The following SRRM2 variants were observed in gnomAD, a reference collection of about 807,000 sequenced individuals.
The protein encoded by SRRM2 is serine/arginine repetitive matrix protein 2.
In SRRM2, 30 loss-of-function variants were observed where a neutral mutation model predicts 213.8. The observed-to-expected ratio is 0.14, with a 90% CI of 0.10 to 0.19. The LOEUF (loss-of-function observed/expected upper bound fraction) is 0.19. Ranked by LOEUF, SRRM2 falls within the 10% of genes least tolerant of loss-of-function variation. The pLI, the probability that SRRM2 is intolerant of heterozygous loss-of-function variation, is 1.00. For missense variants in SRRM2, 4,904 were observed against 3,647.0 expected, an observed-to-expected ratio of 1.34 and a Z score of -8.88; for synonymous variants, 2,025 against 1,377.7, an observed-to-expected ratio of 1.47 and a Z score of -10.40.
rs778552936 is a variant in SRRM2, at chr16:2,765,802, G to A, written c.5274G>A (p.Arg1758=). The change falls in exon 11 of 15, where the codon AGG becomes AGA. Residue 1758 remains arginine, a synonymous_variant. Transcript: ENST00000301740. ...ASSPRTKTTS[R]RGRSPSPKPR... is the part of the protein sequence containing the mutation. ...CTCCACGCACTAAGACAACCTCAAG[G>A]AGAGGCCGCTCTCCTTCGCCAAAGC... is the stretch of plus-strand genomic sequence containing the variant. 1.2e-5 allele frequency: 20 copies of A among 1,613,912 alleles called. No homozygotes were observed. Among genetic ancestry groups the A allele is most frequent in the Non-Finnish European group, 1.7e-5 (20 of 1,180,032 alleles).
intron 1 of SRRM2, among the ~76,000 whole-genome samples, chr16:2,753,271 CG>C (rs2068006611): frequency 6.6e-6 from 1 of 152,232 alleles, no homozygotes; most frequent in African/African-American, 2.4e-5. Flanking sequence ...CTCCTTTCCT[CG>C]GGCTTCTCTT....
Position 2,768,169 on chromosome 16 carries a change from A to ATCG in SRRM2, c.7653_7655dup (p.Ser2556dup), listed in dbSNP as rs756483383. 49 of 1,610,454 alleles carry ATCG rather than the reference A, an allele frequency of 3.0e-5. 1 individual carries two copies. The highest frequency in any genetic ancestry group is 1.5e-4 in the African/African-American group (11 of 74,746). On this transcript the variant is annotated inframe_insertion, in exon 11 of 15. Coordinates refer to ENST00000301740, the MANE Select transcript of SRRM2 (RefSeq NM_016333.4). Reference sequence around the variant, plus strand: ...CCTCTAGCTCCTCCTCTTCTTCATCATCGTCGTCGTCGTCCTCCTCCTCCT... The same window carrying ATCG: ...CCTCTAGCTCCTCCTCTTCTTCATCATCGTCGTCGTCGTCGTCCTCCTCCTCCT...
At chr16:2,768,756 G>A in intron 11 of SRRM2, 1 of 771,626 alleles carries the variant, frequency 1.3e-6, no homozygotes, top group Non-Finnish European at 2.2e-6. Context: ...CTCCATCAGG[G>A]ACATTCTTGA....
At chr16:2,755,986 C>T (rs547601058) in intron 1 of SRRM2, among the ~76,000 whole-genome samples, 3 of 151,900 alleles carry the variant, frequency 2.0e-5, no homozygotes, top group Non-Finnish European at 4.4e-5. Context: ...CAAAGGAGAA[C>T]AAAAAGGGAC....
Position 2,764,221 on chromosome 16 carries a change from G to A in SRRM2, c.3693G>A (p.Thr1231=), listed in dbSNP as rs1413270610. 8.7e-6 allele frequency: 14 copies of A among 1,614,060 alleles called. No individual in the cohort carries two copies. The highest frequency in any genetic ancestry group is 6.7e-5 in the Admixed American group (4 of 59,996). The change falls in exon 11 of 15, where the codon ACG becomes ACA. Residue 1231 remains threonine (T), a synonymous_variant. Coordinates refer to ENST00000301740, the MANE Select transcript of SRRM2 (RefSeq NM_016333.4). ...AAGAGCAAAATAGTGCATTGCCTAC[G>A]TCAAGCCAAGATGAAGAGTTAATGG... is the stretch of plus-strand genomic sequence containing the variant. ...ETKEQNSALP[T]SSQDEELMEV...
rs1466211627 is a variant in SRRM2 at position 2,765,568 on chromosome 16, C to G, written c.5040C>G (p.Thr1680=). The G allele has an allele frequency of 2.5e-6, 4 of 1,614,182 alleles. No homozygotes were observed. Among genetic ancestry groups the G allele is most frequent in the Non-Finnish European group, 2.5e-6 (3 of 1,180,028 alleles). ...CCAGGTCATCACCAGAGCCCAAGAC[C>G]AAGTCTCGTACACCACCTCGACGTC... ...RGSRSSPEPK[T]KSRTPPRRRS... Residue 1680 remains threonine, a synonymous_variant, in exon 11 of 15, where the codon ACC becomes ACG. Transcript: ENST00000301740.
At chr16:2,758,794 G>A (rs2068237874) in intron 5 of SRRM2, 191 bp from the exon 6 acceptor site, 2 of 713,650 alleles carry the variant, frequency 2.8e-6, no homozygotes, top group East Asian at 5.4e-5. Flanking sequence ...TTTTCATTTT[G>A]AGGTTTGTTG....
Position 2,763,876 on chromosome 16 carries a change from A to T in SRRM2, c.3348A>T (p.Gln1116His). The change falls in exon 11 of 15, where the codon CAA becomes CAT. Residue 1116 changes from glutamine (Q) to histidine (H), a missense_variant. Gln to His is a conservative substitution (Grantham distance 24). Transcript: ENST00000301740. ...TELASRSPIR[Q>H]DRGEFSASPM... ...TGGCATCCAGATCTCCAATAAGACA[A>T]GATAGAGGTGAGTTCTCAGCGAGTC... 16 of 1,614,192 alleles carry T rather than the reference A, an allele frequency of 9.9e-6. No homozygotes were observed. Among genetic ancestry groups the T allele is most frequent in the Non-Finnish European group, 1.4e-5 (16 of 1,180,038 alleles).
chr16:2,762,532 C>A lies in SRRM2; in HGVS notation c.2004C>A (p.Arg668=). The A allele has an allele frequency of 6.2e-7, 1 of 1,613,830 alleles. No homozygotes were observed. Among genetic ancestry groups the A allele is most frequent in the Non-Finnish European group, 8.5e-7 (1 of 1,179,948 alleles). Residue 668 remains arginine, a synonymous_variant, in exon 11 of 15, where the codon CGC becomes CGA. Coordinates refer to ENST00000301740, the MANE Select transcript of SRRM2 (RefSeq NM_016333.4). Reference sequence around the variant, plus strand: ...CCAGAACCCCAGCCAGACGTGGCCGCTCACGCTCTAGAACCCCAGCTAGAC... The same window carrying A: ...CCAGAACCCCAGCCAGACGTGGCCGATCACGCTCTAGAACCCCAGCTAGAC... ...SRSRTPARRG[R]SRSRTPARRS... is the part of the protein sequence containing the mutation.
chr16:2,762,073 G>T lies in SRRM2; in HGVS notation c.1545G>T (p.Arg515Ser), dbSNP rs764944184. Residue 515 changes from arginine to serine, a missense_variant, in exon 11 of 15, where the codon AGG becomes AGT. Physicochemically the swap from Arg to Ser is moderately radical, Grantham distance 110. Transcript: ENST00000301740. ...HSRSRSPQWR[R>S]SRSAQRWGRS... ...GATCCCGATCTCCCCAGTGGCGTAG[G>T]TCCAGGTCTGCACAGAGGTGGGGAA... 6.2e-7 allele frequency: 1 copy of T among 1,614,226 alleles called. No individual in the cohort carries two copies. Among genetic ancestry groups the T allele is most frequent in the South Asian group, 1.1e-5 (1 of 91,090 alleles).
chr16:2,764,422 C>T lies in SRRM2; in HGVS notation c.3894C>T (p.Val1298=), dbSNP rs771560994. The T allele has an allele frequency of 2.8e-5, 45 of 1,612,946 alleles. No individual in the cohort carries two copies. Among genetic ancestry groups the T allele is most frequent in the Non-Finnish European group, 3.8e-5 (45 of 1,179,776 alleles). The change falls in exon 11 of 15, where the codon GTC becomes GTT. Residue 1298 remains valine, a synonymous_variant. Transcript: ENST00000301740. The part of the protein sequence containing the change: ...QSQASLEAVE[V]PSMASSWGGP... Reference sequence around the variant, plus strand: ...AGGCTTCTTTGGAAGCAGTAGAAGTCCCTTCAATGGCCTCATCTTGGGGTG... The same window carrying T: ...AGGCTTCTTTGGAAGCAGTAGAAGTTCCTTCAATGGCCTCATCTTGGGGTG...
At chr16:2,753,108 T>G (rs925246360) in intron 1 of SRRM2, among the ~76,000 whole-genome samples, 16 of 144,674 alleles carry the variant, frequency 1.1e-4, no homozygotes, top group African/African-American at 4.0e-4. Context: ...GCGCCCTTGG[T>G]GAGGGGGGAG....
At position 2,762,469 on chromosome 16, in the gene SRRM2, A is replaced by G. The variant is rs769722841; in HGVS notation, c.1941A>G (p.Ser647=). The change falls in exon 11 of 15, where the codon TCA becomes TCG. Residue 647 remains serine, a synonymous_variant. Transcript: ENST00000301740. ...CACCAGCCAGGAGAAGTGGCAGGTC[A>G]CGCTCTAGAACCCCAGCTAGACGTG... ...SRSPARRSGR[S]RSRTPARRGR... 1 of 1,613,582 alleles carries G rather than the reference A, an allele frequency of 6.2e-7. No individual in the cohort carries two copies. Among genetic ancestry groups the G allele is most frequent in the African/African-American group, 1.3e-5 (1 of 74,810 alleles).
chr16:2,769,224 C>T lies in SRRM2; in HGVS notation c.7961C>T (p.Pro2654Leu). ...SSSSSPSPAKPGPQALPKPAS... is the reference protein window; with the variant it reads ...SSSSSPSPAKLGPQALPKPAS... Reference sequence around the variant, plus strand: ...TCTTCCTCCCCTTCCCCTGCTAAGCCTGGCCCTCAGGCCTTGCCCAAACCT... The same window carrying T: ...TCTTCCTCCCCTTCCCCTGCTAAGCTTGGCCCTCAGGCCTTGCCCAAACCT... Residue 2654 changes from proline to leucine, a missense_variant, in exon 12 of 15, where the codon CCT becomes CTT. Pro to Leu is a moderately conservative substitution (Grantham distance 98, BLOSUM62 -3). Coordinates refer to ENST00000301740, the MANE Select transcript of SRRM2 (RefSeq NM_016333.4). 1.3e-6 allele frequency: 2 copies of T among 1,596,648 alleles called. No individual in the cohort carries two copies. The highest frequency in any genetic ancestry group is 2.2e-5 in the East Asian group (1 of 44,840).
rs2068239578 is a variant in SRRM2 at position 2,758,851 on chromosome 16, T to C, written c.594-134T>C. 1.3e-5 allele frequency: 12 copies of C among 917,566 alleles called. No individual in the cohort carries two copies. The East Asian group carries it at 2.9e-4, about 22-fold the overall frequency. The allele number at this position is 917,566 out of a possible 1,614,324, so 56.8% of individuals were successfully genotyped here. A position where few individuals can be genotyped will look rare whatever the true frequency, so the allele number is the denominator to read the frequency against. On this transcript the variant is annotated intron_variant, in intron 5 of 14. Transcript: ENST00000301740. ...TGTTGGAGAAAGAAGAAATAAGTCC[T>C]GGGCTTAGGTCTGGGGCATTAGTGC...
At position 2,764,220 on chromosome 16, in the gene SRRM2, C is replaced by A. The variant is rs534027132; in HGVS notation, c.3692C>A (p.Thr1231Lys). The part of the protein sequence containing the change: ...ETKEQNSALP[T>K]SSQDEELMEV... ...AAAGAGCAAAATAGTGCATTGCCTA[C>A]GTCAAGCCAAGATGAAGAGTTAATG... is the stretch of plus-strand genomic sequence containing the variant. Residue 1231 changes from threonine (T) to lysine (K), a missense_variant, in exon 11 of 15, where the codon ACG (threonine) becomes AAG (lysine). By Grantham distance (78) the Thr-to-Lys change is moderately conservative (BLOSUM62 -1). Transcript: ENST00000301740. 1 of 1,614,058 alleles carries A rather than the reference C, an allele frequency of 6.2e-7. No homozygotes were observed. Among genetic ancestry groups the A allele is most frequent in the African/African-American group, 1.3e-5 (1 of 74,940 alleles).
rs1181810306 is a variant in SRRM2 at position 2,770,647 on chromosome 16, A to C, written c.8179A>C (p.Ser2727Arg). 3 of 1,552,464 alleles carry C rather than the reference A, an allele frequency of 1.9e-6. No individual in the cohort carries two copies. In the Admixed American group the frequency reaches 5.9e-5, roughly 30 times the overall value. Reference sequence around the variant, plus strand: ...TTCCCGGAGAGGCCAGCGTGGGGACAGCCGCTCCCCCAGCCACAAGCGCAG... The same window carrying C: ...TTCCCGGAGAGGCCAGCGTGGGGACCGCCGCTCCCCCAGCCACAAGCGCAG... ...RGSRRGQRGDSRSPSHKRRRE... is the reference protein window; with the variant it reads ...RGSRRGQRGDRRSPSHKRRRE... Residue 2727 changes from serine (S) to arginine (R), a missense_variant, in exon 14 of 15, where the codon AGC (serine) becomes CGC (arginine). By Grantham distance (110) the Ser-to-Arg change is moderately radical (BLOSUM62 -1). Transcript: ENST00000301740.
chr16:2,757,217 G>C (rs965926576), intron 2 of SRRM2, among the ~76,000 whole-genome samples: 2 of 151,610 alleles, frequency 1.3e-5, no homozygotes, highest in African/African-American at 4.9e-5. Context: ...GGAGCACTTG[G>C]AACCCTGCTT....
rs1567238057 is a variant in SRRM2, at chr16:2,765,815, CCTT to C, written c.5289_5291del (p.Ser1764del). On this transcript the variant is annotated inframe_deletion, in exon 11 of 15. Transcript: ENST00000301740. ...GACAACCTCAAGGAGAGGCCGCTCT[CCTT>C]CGCCAAAGCCTCGTGGACTCCAGAG... 1.2e-6 allele frequency: 2 copies of C among 1,613,988 alleles called. No individual in the cohort carries two copies. The highest frequency in any genetic ancestry group is 2.7e-5 in the African/African-American group (2 of 74,916).
Sources: gnomAD v4.1 joint callset for allele counts (sites outside exome capture counted in the v4.1 genomes callset) on GRCh38, gnomAD v4.1.1 for gene constraint, MANE v1.5 for transcripts, NCBI Gene and HGNC (gene_info 2026-07-23, HGNC 2026-07-21) for gene names.